The following DPYS variants were observed in gnomAD, a reference collection of about 807,000 sequenced individuals.
DPYS encodes the protein dihydropyrimidinase.
In DPYS, 39 loss-of-function variants were observed where a neutral mutation model predicts 50.3. The observed-to-expected ratio is 0.78, with a 90% CI of 0.60 to 1.01. The LOEUF (loss-of-function observed/expected upper bound fraction) is 1.01. Among genes scored for constraint, DPYS ranks in the 50% least tolerant of loss-of-function variants. The pLI is 0.00. For synonymous variants in DPYS, 245 were observed against 250.7 expected (o/e 0.98, Z 0.22); for missense variants, 659 against 680.9 (o/e 0.97, Z 0.36).
At chr8:104,444,912 C>T (rs2140708542) in intron 3 of DPYS, among the ~76,000 whole-genome samples, 1 of 152,144 alleles carries the variant, frequency 6.6e-6, no homozygotes, top group South Asian at 2.1e-4. Flanking sequence ...AACAACTCTA[C>T]AGGAAAAAAA....
At chr8:104,401,072 G>A (rs1811786143) in intron 7 of DPYS, among the ~76,000 whole-genome samples, 1 of 152,038 alleles carries the variant, frequency 6.6e-6, no homozygotes, top group South Asian at 2.1e-4. Context: ...CTTGTTTTAG[G>A]TATTCTGTTA....
At chr8:104,459,794 C>A (rs974606080) in intron 1 of DPYS, among the ~76,000 whole-genome samples, 6 of 152,294 alleles carry the variant, frequency 3.9e-5, no homozygotes, top group African/African-American at 1.4e-4. Flanking sequence ...TGACACCATA[C>A]CTAAATAGAC....
chr8:104,401,740 C>A (rs778414266), intron 7 of DPYS, among the ~76,000 whole-genome samples: 26 of 152,096 alleles, frequency 1.7e-4, no homozygotes, highest in Non-Finnish European at 2.9e-4. Flanking sequence ...TTCAAACTAC[C>A]TCTTCTGTCA....
chr8:104,383,776 A>AT (rs1169636841), intron 8 of DPYS, among the ~76,000 whole-genome samples: 16 of 151,908 alleles, frequency 1.1e-4, no homozygotes, highest in African/African-American at 3.4e-4. Flanking sequence ...TAATTTTTGT[A>AT]TTTTTAGTAG....
intron 7 of DPYS, among the ~76,000 whole-genome samples, chr8:104,422,728 T>C (rs1472822511): frequency 6.6e-6 from 1 of 152,226 alleles, no homozygotes. Context: ...AGATTAAAGC[T>C]CACAATCTCC....
intron 7 of DPYS, among the ~76,000 whole-genome samples, chr8:104,393,668 A>G (rs1174346501): frequency 6.6e-6 from 1 of 152,234 alleles, no homozygotes; most frequent in Non-Finnish European, 1.5e-5. Context: ...TTTCAATCCT[A>G]CATAATACGA....
chr8:104,422,056 A>T (rs1392996577), intron 7 of DPYS, among the ~76,000 whole-genome samples: 2 of 152,180 alleles, frequency 1.3e-5, no homozygotes, highest in African/African-American at 4.8e-5. Context: ...TAGGGAAGAC[A>T]ATGCTCTACC....
At chr8:104,459,930 T>C (rs1349260875) in intron 1 of DPYS, among the ~76,000 whole-genome samples, 1 of 152,216 alleles carries the variant, frequency 6.6e-6, no homozygotes. Flanking sequence ...AGTTGTTTTT[T>C]TGTAAGTGCC....
Position 104,392,814 on chromosome 8 carries a change from A to G in DPYS, c.1413T>C (p.Tyr471=). The change falls in exon 8 of 10, where the codon TAT becomes TAC. Residue 471 remains tyrosine, a synonymous_variant. Coordinates refer to ENST00000351513, the MANE Select transcript of DPYS (RefSeq NM_001385.3). ...KFIPRKPFAE[Y]IYKRIKQRDR... is the part of the protein sequence containing the mutation. ...CTCGCTGCTTTATTCGTTTGTAAAT[A>G]TATTCAGCAAATGGTTTTCGAGGAA... 1.2e-6 allele frequency: 2 copies of G among 1,614,148 alleles called. No homozygotes were observed. Among genetic ancestry groups the G allele is most frequent in the East Asian group, 2.2e-5 (1 of 44,884 alleles).
At position 104,437,067 on chromosome 8, in the gene DPYS, C is replaced by T. The variant is rs559954727; in HGVS notation, c.793+7181G>A. On this transcript the variant is annotated intron_variant, in intron 4 of 9. Coordinates refer to ENST00000351513, the MANE Select transcript of DPYS (RefSeq NM_001385.3). Reference sequence around the variant, plus strand: ...AAATGTATAGCAAAAATTCAAATATCTTTTTAAAAAGGTGAAAATAGTTAA... The same window carrying T: ...AAATGTATAGCAAAAATTCAAATATTTTTTTAAAAAGGTGAAAATAGTTAA... 1.1e-4 allele frequency among the ~76,000 whole-genome samples: 17 copies of T among 152,108 alleles called. No homozygotes were observed. The South Asian group carries it at 3.5e-3, about 32-fold the overall frequency.
Position 104,466,843 on chromosome 8 carries a change from CA to C in DPYS, c.77del (p.Leu26ArgfsTer72). ...NDDFSEVADV[L>X]VEDGVVRALG... Reference sequence around the variant, plus strand: ...GTGCCCGCACCACGCCGTCCTCCACCAGCACGTCGGCCACCTCCGAGAAGTC... The same window carrying C: ...GTGCCCGCACCACGCCGTCCTCCACCGCACGTCGGCCACCTCCGAGAAGTC... On this transcript the variant is annotated frameshift_variant, in exon 1 of 10. Coordinates refer to ENST00000351513, the MANE Select transcript of DPYS (RefSeq NM_001385.3). LOFTEE classifies it high-confidence loss of function. The C allele has an allele frequency of 6.5e-7, 1 of 1,532,512 alleles. No homozygotes were observed. Among genetic ancestry groups the C allele is most frequent in the Non-Finnish European group, 8.7e-7 (1 of 1,145,044 alleles). The allele number at this position is 1,532,512 out of a possible 1,614,324, so 94.9% of individuals were successfully genotyped here.
intron 4 of DPYS, among the ~76,000 whole-genome samples, chr8:104,430,333 G>A (rs4734106): frequency 0.91 from 138,417 of 152,120 alleles, 63,514 homozygotes; most frequent in Middle Eastern, 0.98. Flanking sequence ...CCAGAAATGC[G>A]TATTTTAAAA....
At chr8:104,417,529 G>C (rs1248187992) in intron 7 of DPYS, among the ~76,000 whole-genome samples, 1 of 152,180 alleles carries the variant, frequency 6.6e-6, no homozygotes, top group Non-Finnish European at 1.5e-5. Context: ...TAAGTACCAA[G>C]ATCTTCTACA....
chr8:104,459,686 T>A (rs1410536192), intron 1 of DPYS, among the ~76,000 whole-genome samples: 1 of 152,202 alleles, frequency 6.6e-6, no homozygotes, highest in Non-Finnish European at 1.5e-5. Flanking sequence ...AAATCTGCTA[T>A]AAAGCAAAGC....
rs1813460015 is a variant in DPYS, at chr8:104,444,411, C to T, written c.630G>A (p.Gly210=). 1.9e-6 allele frequency: 3 copies of T among 1,614,070 alleles called. No individual in the cohort carries two copies. Among genetic ancestry groups the T allele is most frequent in the African/African-American group, 2.7e-5 (2 of 74,932 alleles). The change falls in exon 4 of 10, where the codon GGG becomes GGA. Residue 210 remains glycine, a synonymous_variant. Transcript: ENST00000351513. ...AEGAKKMLAL[G]ITGPEGHELC... ...GCTCGTGGCCCTCAGGGCCTGTTAT[C>T]CCCAGAGCCAACATCTTCTTTGCTC...
rs1811440697 is a variant in DPYS at position 104,392,872 on chromosome 8, A to G, written c.1355T>C (p.Val452Ala). 6.2e-7 allele frequency: 1 copy of G among 1,614,076 alleles called. No homozygotes were observed. The highest frequency in any genetic ancestry group is 1.1e-5 in the South Asian group (1 of 91,068). The change falls in exon 8 of 10, where the codon GTG (valine) becomes GCG (alanine). Residue 452 changes from valine (V) to alanine (A), a missense_variant. By Grantham distance (64) the Val-to-Ala change is moderately conservative. Coordinates refer to ENST00000351513, the MANE Select transcript of DPYS (RefSeq NM_001385.3). ...SRGKVVYEAG[V>A]FSVTAGDGKF... ...CCCATCTCCTGCCGTGACACTGAACACTCCGGCTTCATATACCACTTTGCC... is the reference window on the plus strand; with the variant it reads ...CCCATCTCCTGCCGTGACACTGAACGCTCCGGCTTCATATACCACTTTGCC...
chr8:104,434,106 T>C (rs1813047046), intron 4 of DPYS, among the ~76,000 whole-genome samples: 1 of 152,176 alleles, frequency 6.6e-6, no homozygotes, highest in Non-Finnish European at 1.5e-5. Context: ...AAGCTATACA[T>C]TGTTCTGGAC....
chr8:104,463,809 C>G lies in DPYS; in HGVS notation c.264+2848G>C, dbSNP rs1048092956. On this transcript the variant is annotated intron_variant, in intron 1 of 9. Transcript: ENST00000351513. ...GCTCCCCAAAACAAACACCCACCAG[C>G]GTTGCTTTGGGGATTATTGCAAAGG... Among the ~76,000 whole-genome samples the G allele has an allele frequency of 1.3e-5, 2 of 152,212 alleles. 1 individual carries two copies. Among genetic ancestry groups the G allele is most frequent in the African/African-American group, 4.8e-5 (2 of 41,458 alleles).
rs1433847013 is a variant in DPYS, at chr8:104,429,662, C to T, written c.833G>A (p.Gly278Asp). The change falls in exon 5 of 10, where the codon GGC becomes GAC. Residue 278 changes from glycine to aspartate, a missense_variant. Transcript: ENST00000351513. ...ATTCCAGTAGTGAGTGCCATCTGTG[C>T]CAAGACTGGCTGCTATGGGTTCACC... ...VYGEPIAASL[G>D]TDGTHYWNKE... is the part of the protein sequence containing the mutation. The T allele has an allele frequency of 1.2e-6, 2 of 1,614,138 alleles. No individual in the cohort carries two copies. Among genetic ancestry groups the T allele is most frequent in the Middle Eastern group, 1.7e-4 (1 of 6,052 alleles).
Sources: gnomAD v4.1 joint callset for allele counts (sites outside exome capture counted in the v4.1 genomes callset) on GRCh38, gnomAD v4.1.1 for gene constraint, MANE v1.5 for transcripts, NCBI Gene and HGNC (gene_info 2026-07-23, HGNC 2026-07-21) for gene names.